CDKN2B: variants seen among roughly 807,000 people sequenced by gnomAD.
CDKN2B encodes the protein cyclin dependent kinase inhibitor 2B.
A neutral mutation model predicts 7.7 loss-of-function variants in CDKN2B; 8 were observed. That is an observed-to-expected ratio of 1.04 (90% CI 0.61 to 1.87). The LOEUF is 1.87. Ranked by LOEUF, CDKN2B falls within the 40% of genes most tolerant of loss-of-function variation. The probability of loss-of-function intolerance (pLI) is 0.00; values close to 1 mark genes in which losing one functional copy is unlikely to be tolerated. For missense variants in CDKN2B, 244 were observed against 213.1 expected, an observed-to-expected ratio of 1.15 and a Z score of -0.90; for synonymous variants, 93 against 95.8, an observed-to-expected ratio of 0.97 and a Z score of 0.17.
rs966918523 is a variant in CDKN2B, at chr9:22,003,762, T to G, written c.*2225A>C. 2.6e-5 allele frequency: 6 copies of G among 232,250 alleles called. No individual in the cohort carries two copies. The highest frequency in any genetic ancestry group is 1.3e-4 in the African/African-American group (6 of 45,322). 14.4% of individuals were successfully genotyped at this position (232,250 alleles called of 1,614,324 possible). A position where few individuals can be genotyped will look rare whatever the true frequency, so the allele number is the denominator to read the frequency against. On this transcript the variant is annotated 3_prime_UTR_variant, in exon 2 of 2. Transcript: ENST00000276925. ...TTTATAGGTGTGTTGGGGGGGGTTA[T>G]TCTCCATATTGTTGACATTTTAAAA...
rs1388836946 is a variant in CDKN2B at position 22,008,816 on chromosome 9, G to A, written c.138C>T (p.Phe46=). The A allele has an allele frequency of 1.9e-6, 3 of 1,605,814 alleles. No individual in the cohort carries two copies. The Admixed American group carries it at 5.1e-5, about 27-fold the overall frequency. Residue 46 remains phenylalanine (F), a synonymous_variant, in exon 1 of 2, where the codon TTC becomes TTT. Coordinates refer to ENST00000276925, the MANE Select transcript of CDKN2B (RefSeq NM_004936.4). Reference sequence around the variant, plus strand: ...CAGCTACCTGGATCGCGCGCCTCCCGAAACGGTTGACTCCGTTGGGATCCG... The same window carrying A: ...CAGCTACCTGGATCGCGCGCCTCCCAAAACGGTTGACTCCGTTGGGATCCG... The part of the protein sequence containing the change: ...AGADPNGVNR[F]GRRAIQVMMM...
intron 1 of CDKN2B, among the ~76,000 whole-genome samples, chr9:22,007,518 T>C (rs1177513472): frequency 6.6e-6 from 1 of 152,202 alleles, no homozygotes; most frequent in Non-Finnish European, 1.5e-5. Context: ...ATATTTAAAG[T>C]CAATTATAAG....
intron 1 of CDKN2B, among the ~76,000 whole-genome samples, chr9:22,008,437 A>G (rs1296628539): frequency 1.3e-5 from 2 of 152,178 alleles, no homozygotes; most frequent in Non-Finnish European, 2.9e-5. Context: ...TCCAATCTAG[A>G]ATGCGTAACT....
At position 22,003,476 on chromosome 9, in the gene CDKN2B, C is replaced by T. The variant is rs1587375146; in HGVS notation, c.*2511G>A. The T allele has an allele frequency of 4.4e-6, 1 of 227,868 alleles. No individual in the cohort carries two copies. The highest frequency in any genetic ancestry group is 6.4e-5 in the East Asian group (1 of 15,688). 14.1% of individuals were successfully genotyped at this position (227,868 alleles called of 1,614,324 possible). A position where few individuals can be genotyped will look rare whatever the true frequency, so the allele number is the denominator to read the frequency against. On this transcript the variant is annotated 3_prime_UTR_variant, in exon 2 of 2. Transcript: ENST00000276925. ...TCATGACCCAGTATAATGCAACTAG[C>T]AAATTTAAACATCTTGGAATTTAAG... is the stretch of plus-strand genomic sequence containing the variant.
chr9:22,009,309 G>C, upstream of CDKN2B: 1 of 427,120 alleles, frequency 2.3e-6, no homozygotes, highest in Non-Finnish European at 4.2e-6. Context: ...GCAGAGTGGG[G>C]AGCCAGCCGG....
At chr9:22,007,276 C>T (rs767590399) in intron 1 of CDKN2B, among the ~76,000 whole-genome samples, 3 of 152,112 alleles carry the variant, frequency 2.0e-5, no homozygotes, top group Non-Finnish European at 2.9e-5. Context: ...GCAGGAGAAT[C>T]GCTTGCATCC....
Position 22,007,600 on chromosome 9 carries a change from T to G in CDKN2B, c.156+1198A>C, listed in dbSNP as rs1821256325. ...GTTTATGCACTTTAAAATATACCAT[T>G]TAATTGAAAGGCAGTATACTTCTCA... On this transcript the variant is annotated intron_variant, in intron 1 of 1. Coordinates refer to ENST00000276925, the MANE Select transcript of CDKN2B (RefSeq NM_004936.4). Among the ~76,000 whole-genome samples, 6 of 152,148 alleles carry G rather than the reference T, an allele frequency of 3.9e-5. No homozygotes were observed. In the South Asian group the frequency reaches 1.2e-3, roughly 32 times the overall value.
At position 22,005,431 on chromosome 9, in the gene CDKN2B, AAGC is replaced by A. The variant is rs1330539708; in HGVS notation, c.*553_*555del. On this transcript the variant is annotated 3_prime_UTR_variant, in exon 2 of 2. Transcript: ENST00000276925. This position sits in a 1 kb window ranked among gnomAD's most constrained non-coding sequence, Gnocchi z 4.9. The stretch of plus-strand genomic sequence containing the variant: ...TGTGACTTGCCATGCGCTCAAACTA[AAGC>A]GCCGCCGGGGACTTACTGAAGCCCA... 1.7e-4 allele frequency: 43 copies of A among 247,206 alleles called. No individual in the cohort carries two copies. Among genetic ancestry groups the A allele is most frequent in the Non-Finnish European group, 2.1e-4 (26 of 126,458 alleles). 15.3% of individuals were successfully genotyped at this position (247,206 alleles called of 1,614,324 possible).
rs1355616335 is a variant in CDKN2B, at chr9:22,004,118, A to G, written c.*1869T>C. 4.3e-6 allele frequency: 1 copy of G among 232,392 alleles called. No homozygotes were observed. The highest frequency in any genetic ancestry group is 8.5e-6 in the Non-Finnish European group (1 of 117,622). The allele number at this position is 232,392 out of a possible 1,614,324, so 14.4% of individuals were successfully genotyped here. ...AGGTTTAAATATTAAATTAACAAAT[A>G]TATTTTAATGCATACCTGGTACAGA... is the stretch of plus-strand genomic sequence containing the variant. On this transcript the variant is annotated 3_prime_UTR_variant, in exon 2 of 2. Transcript: ENST00000276925.
At chr9:22,009,311 G>A (rs1313005274), upstream of CDKN2B, 5 of 425,170 alleles carry the variant, frequency 1.2e-5, no homozygotes, top group Middle Eastern at 6.2e-4. Flanking sequence ...AGAGTGGGGA[G>A]CCAGCCGGCA....
Position 22,005,614 on chromosome 9 carries a change from C to T in CDKN2B, c.*373G>A, listed in dbSNP as rs551180192. The T allele has an allele frequency of 3.6e-4, 162 of 446,018 alleles. No homozygotes were observed. Among genetic ancestry groups the T allele is most frequent in the African/African-American group, 2.8e-3 (144 of 51,410 alleles). 27.6% of individuals were successfully genotyped at this position (446,018 alleles called of 1,614,324 possible). On this transcript the variant is annotated 3_prime_UTR_variant, in exon 2 of 2. Transcript: ENST00000276925. This position sits in a 1 kb window ranked among gnomAD's most constrained non-coding sequence, Gnocchi z 4.9. ...CTAATCACTGCCTTCTCCCACTCAG[C>T]GCTGGAGTGGGAGATTCATCCATCG... is the stretch of plus-strand genomic sequence containing the variant.
At position 22,005,915 on chromosome 9, in the gene CDKN2B, C is replaced by A; in HGVS notation, c.*72G>T. ...GCCGCTCCCCGTTGGCAGCCTTCAT[C>A]GAATTAGGTGGGTGGGGGTGGGAAA... On this transcript the variant is annotated 3_prime_UTR_variant, in exon 2 of 2. Transcript: ENST00000276925. This position sits in a 1 kb window ranked among gnomAD's most constrained non-coding sequence, Gnocchi z 4.9. The A allele has an allele frequency of 2.6e-6, 4 of 1,567,684 alleles. No homozygotes were observed. The South Asian group carries it at 4.6e-5, about 18-fold the overall frequency.
rs189152764 is a variant in CDKN2B at position 22,004,207 on chromosome 9, C to G, written c.*1780G>C. 4.3e-6 allele frequency: 1 copy of G among 232,424 alleles called. No homozygotes were observed. Among genetic ancestry groups the G allele is most frequent in the East Asian group, 6.1e-5 (1 of 16,364 alleles). 14.4% of individuals were successfully genotyped at this position (232,424 alleles called of 1,614,324 possible). A position where few individuals can be genotyped will look rare whatever the true frequency, so the allele number is the denominator to read the frequency against. On this transcript the variant is annotated 3_prime_UTR_variant, in exon 2 of 2. Transcript: ENST00000276925. Reference sequence around the variant, plus strand: ...TGCTCTGATTCTCAACTAACTTTCCCCAGTAATATGTTCATTTTGGGAATA... The same window carrying G: ...TGCTCTGATTCTCAACTAACTTTCCGCAGTAATATGTTCATTTTGGGAATA...
chr9:22,005,738 A>G lies in CDKN2B; in HGVS notation c.*249T>C. 1 of 599,160 alleles carries G rather than the reference A, an allele frequency of 1.7e-6. No individual in the cohort carries two copies. The highest frequency in any genetic ancestry group is 3.0e-6 in the Non-Finnish European group (1 of 337,648). 37.1% of individuals were successfully genotyped at this position (599,160 alleles called of 1,614,324 possible). ...GACCCCTGGAATGTCACACACTCCT[A>G]AATATCCCTGGAAATCCGCTTCTCT... On this transcript the variant is annotated 3_prime_UTR_variant, in exon 2 of 2. Transcript: ENST00000276925. The surrounding 1 kb of genome is among the most constrained non-coding windows in gnomAD (Gnocchi z 4.9).
Position 22,003,866 on chromosome 9 carries a change from T to G in CDKN2B, c.*2121A>C. On this transcript the variant is annotated 3_prime_UTR_variant, in exon 2 of 2. Transcript: ENST00000276925. ...CCTTAGGAGCTTACAAGGGAGATCATTGTGTATTTCTGCTTTTTTTTAAAA... is the reference window on the plus strand; with the variant it reads ...CCTTAGGAGCTTACAAGGGAGATCAGTGTGTATTTCTGCTTTTTTTTAAAA... 4.3e-6 allele frequency: 1 copy of G among 232,170 alleles called. No individual in the cohort carries two copies. The highest frequency in any genetic ancestry group is 6.1e-5 in the East Asian group (1 of 16,282). The allele number at this position is 232,170 out of a possible 1,614,324, so 14.4% of individuals were successfully genotyped here. A position where few individuals can be genotyped will look rare whatever the true frequency, so the allele number is the denominator to read the frequency against.
chr9:22,009,147 G>A lies in CDKN2B; in HGVS notation c.-194C>T. ...GCAGTGGCCGAGCGGCCGGTCGTTA[G>A]CTCCGGGCTTTTCCTGGCGCTCAAG... is the stretch of plus-strand genomic sequence containing the variant. On this transcript the variant is annotated 5_prime_UTR_variant, in exon 1 of 2. Transcript: ENST00000276925. 1 of 728,624 alleles carries A rather than the reference G, an allele frequency of 1.4e-6. No individual in the cohort carries two copies. 45.1% of individuals were successfully genotyped at this position (728,624 alleles called of 1,614,324 possible).
rs1197378161 is a variant in CDKN2B, at chr9:22,006,225, C to A, written c.179G>T (p.Arg60Leu). 5.6e-6 allele frequency: 9 copies of A among 1,606,534 alleles called. No individual in the cohort carries two copies. Among genetic ancestry groups the A allele is most frequent in the Non-Finnish European group, 6.8e-6 (8 of 1,179,830 alleles). The stretch of plus-strand genomic sequence containing the variant: ...GTGGAGCAGCAGCAGCTCCGCCACG[C>A]GGGCGCTGCCCATCATCATGACCTG... ...AIQVMMMGSA[R>L]VAELLLLHGA... The change falls in exon 2 of 2, where the codon CGC (arginine) becomes CTC (leucine). Residue 60 changes from arginine (R) to leucine (L), a missense_variant. Arg to Leu is a moderately radical substitution (Grantham distance 102, BLOSUM62 -2). Coordinates refer to ENST00000276925, the MANE Select transcript of CDKN2B (RefSeq NM_004936.4). This position sits in a 1 kb window ranked among gnomAD's most constrained non-coding sequence, Gnocchi z 6.4.
In CDKN2B at chr9:22,006,345, A is replaced by C; in HGVS notation, c.157-98T>G. 6.6e-7 allele frequency: 1 copy of C among 1,518,178 alleles called. No individual in the cohort carries two copies. The highest frequency in any genetic ancestry group is 8.9e-7 in the Non-Finnish European group (1 of 1,121,592). The allele number at this position is 1,518,178 out of a possible 1,614,324, so 94.0% of individuals were successfully genotyped here. On this transcript the variant is annotated intron_variant, in intron 1 of 1. Transcript: ENST00000276925. This position sits in a 1 kb window ranked among gnomAD's most constrained non-coding sequence, Gnocchi z 6.4. ...GTGGAGCCATTTAAAGAAACACCTA[A>C]TTGCAAAGTTTTCACCCAGTGCAGA...
In CDKN2B at chr9:22,008,803, TCG is replaced by T. The variant is rs764016512; in HGVS notation, c.149_150del (p.Ala50AspfsTer36). ...GGCCCTGGGGCCCCAGCTACCTGGA[TCG>T]CGCGCCTCCCGAAACGGTTGACTCC... The part of the protein sequence containing the change: ...PNGVNRFGRR[A>X]IQVMMMGSAR... On this transcript the variant is annotated frameshift_variant, in exon 1 of 2. Coordinates refer to ENST00000276925, the MANE Select transcript of CDKN2B (RefSeq NM_004936.4). LOFTEE classifies it high-confidence loss of function. The T allele has an allele frequency of 1.4e-5, 23 of 1,605,060 alleles. No individual in the cohort carries two copies. Among genetic ancestry groups the T allele is most frequent in the Non-Finnish European group, 1.9e-5 (22 of 1,175,660 alleles).
Sources: allele counts gnomAD v4.1 joint callset (sites outside exome capture counted in the v4.1 genomes callset), GRCh38; gene constraint gnomAD v4.1.1; non-coding constraint Gnocchi (gnomAD v3.1); transcripts MANE v1.5; gene names NCBI Gene and HGNC (gene_info 2026-07-23, HGNC 2026-07-21).